Variants in RBM27 observed in about 807,000 individuals in gnomAD.
RBM27 encodes RNA binding motif protein 27.
Under a neutral mutation model 135.3 loss-of-function variants are expected in RBM27, and 22 were observed. The observed-to-expected ratio is 0.16, with a 90% confidence interval of 0.12 to 0.23. The LOEUF (loss-of-function observed/expected upper bound fraction) is 0.23. Among genes scored for constraint, RBM27 ranks in the 10% least tolerant of loss-of-function variants. The pLI, the probability that RBM27 is intolerant of heterozygous loss-of-function variation, is 1.00. For missense variants in RBM27, 1,009 were observed against 1,281.0 expected, an observed-to-expected ratio of 0.79 and a Z score of 3.24; for synonymous variants, 481 against 442.4, an observed-to-expected ratio of 1.09 and a Z score of -1.10.
At chr5:146,204,102 A>T (rs546388959) in intron 1 of RBM27, among the ~76,000 whole-genome samples, 3 of 152,298 alleles carry the variant, frequency 2.0e-5, no homozygotes, top group African/African-American at 7.2e-5. Flanking sequence ...AAGGGGTAGC[A>T]GGGGCCGTGA....
At chr5:146,207,162 G>T (rs1421810240) in intron 1 of RBM27, among the ~76,000 whole-genome samples, 1 of 152,186 alleles carries the variant, frequency 6.6e-6, no homozygotes, top group Non-Finnish European at 1.5e-5. Flanking sequence ...TAGGCTTTGA[G>T]ATAGTATAGT....
In RBM27 at chr5:146,261,791, C is replaced by T. The variant is rs774696778; in HGVS notation, c.2175C>T (p.His725=). 2.5e-5 allele frequency: 41 copies of T among 1,614,000 alleles called. No individual in the cohort carries two copies. The South Asian group carries it at 3.2e-4, about 13-fold the overall frequency. Residue 725 remains histidine (H), a synonymous_variant, in exon 13 of 21, where the codon CAC becomes CAT. Coordinates refer to ENST00000265271, the MANE Select transcript of RBM27 (RefSeq NM_018989.2). The part of the protein sequence containing the change: ...LVAQSAPSTV[H]GGIQKMMSKP... ...CCCAGTCTGCTCCTTCAACAGTGCA[C>T]GGAGGTATCCAGAAGGTAATCTGGT...
rs765360709 is a variant in RBM27 at position 146,237,332 on chromosome 5, C to T, written c.1179C>T (p.Ser393=). 1 of 1,614,140 alleles carries T rather than the reference C, an allele frequency of 6.2e-7. No individual in the cohort carries two copies. The highest frequency in any genetic ancestry group is 1.1e-5 in the South Asian group (1 of 91,086). Residue 393 remains serine (S), a synonymous_variant, in exon 8 of 21, where the codon AGC becomes AGT. Transcript: ENST00000265271. ...TAACACAATCAAGCTTGATAAACAG[C>T]CGTGACCAGCCTGGGACAAGTGCAG... ...PPITQSSLIN[S]RDQPGTSAVP... is the part of the protein sequence containing the mutation.
intron 8 of RBM27, among the ~76,000 whole-genome samples, chr5:146,243,775 A>G (rs1561544220): frequency 6.6e-6 from 1 of 152,222 alleles, no homozygotes; most frequent in Admixed American, 6.5e-5. Context: ...TTCACAGCAC[A>G]GAAAATATAG....
intron 19 of RBM27, among the ~76,000 whole-genome samples, chr5:146,279,867 T>C (rs1759258221): frequency 6.6e-6 from 1 of 152,086 alleles, no homozygotes; most frequent in Non-Finnish European, 1.5e-5. Flanking sequence ...TATTAATCTT[T>C]TTCCATTCTT....
intron 19 of RBM27, among the ~76,000 whole-genome samples, chr5:146,279,922 T>C (rs553064279): frequency 6.6e-6 from 1 of 152,266 alleles, no homozygotes; most frequent in Non-Finnish European, 1.5e-5. Context: ...AAAAATACTA[T>C]GTATGTAAGA....
chr5:146,278,527 C>A (rs998306702), intron 19 of RBM27, among the ~76,000 whole-genome samples: 8 of 152,052 alleles, frequency 5.3e-5, no homozygotes, highest in Non-Finnish European at 1.2e-4. Flanking sequence ...TTTGTTCTCT[C>A]TTTTATAAAA....
intron 8 of RBM27, among the ~76,000 whole-genome samples, chr5:146,248,543 G>T (rs915756641): frequency 6.6e-6 from 1 of 152,156 alleles, no homozygotes; most frequent in Non-Finnish European, 1.5e-5. Context: ...TCGGCTCATT[G>T]CAACCTCTGC....
At chr5:146,279,996 G>A (rs1156546297) in intron 19 of RBM27, among the ~76,000 whole-genome samples, 2 of 151,846 alleles carry the variant, frequency 1.3e-5, no homozygotes, top group African/African-American at 4.8e-5. Flanking sequence ...TATACATACA[G>A]GGCTGCATTC....
chr5:146,263,443 G>A, intron 13 of RBM27, 48 bp from the exon 14 acceptor site: 1 of 1,547,028 alleles, frequency 6.5e-7, no homozygotes, highest in Middle Eastern at 1.7e-4. Context: ...CCATTTCTAG[G>A]CATGTTTTTA....
chr5:146,263,750 T>C, intron 14 of RBM27, 119 bp downstream of exon 14: 1 of 1,181,192 alleles, frequency 8.5e-7, no homozygotes, highest in Non-Finnish European at 1.2e-6. Context: ...GTGGCAGGTA[T>C]ACCTCTCTAG....
chr5:146,261,482 G>A (rs748825547), intron 12 of RBM27, 28 bp from the exon 13 acceptor site: 1 of 1,578,714 alleles, frequency 6.3e-7, no homozygotes, highest in Non-Finnish European at 8.7e-7. Flanking sequence ...CTGTTTTTGG[G>A]AATTTATATT....
At chr5:146,234,074 G>T (rs542590936) in intron 7 of RBM27, among the ~76,000 whole-genome samples, 1 of 151,856 alleles carries the variant, frequency 6.6e-6, no homozygotes, top group South Asian at 2.1e-4. Flanking sequence ...CATTATGTTG[G>T]CCAGGTTGGT....
At chr5:146,226,273 T>A (rs1258122283) in intron 3 of RBM27, among the ~76,000 whole-genome samples, 2 of 152,216 alleles carry the variant, frequency 1.3e-5, no homozygotes, top group African/African-American at 2.4e-5. Flanking sequence ...AAGTTAAAAT[T>A]TTTTGTAACG....
rs78681802 is a variant in RBM27 at position 146,262,170 on chromosome 5, C to A, written c.2190+364C>A. On this transcript the variant is annotated intron_variant, in intron 13 of 20. Coordinates refer to ENST00000265271, the MANE Select transcript of RBM27 (RefSeq NM_018989.2). Reference sequence around the variant, plus strand: ...TCAGCTTCTCAAACCTCTGTAGAGTCAGTCTCTAGATACAGGGCCTATAAA... The same window carrying A: ...TCAGCTTCTCAAACCTCTGTAGAGTAAGTCTCTAGATACAGGGCCTATAAA... Among the ~76,000 whole-genome samples, 904 of 152,318 alleles carry A rather than the reference C, an allele frequency of 5.9e-3. 8 individuals are homozygous for A. Among genetic ancestry groups the A allele is most frequent in the African/African-American group, 0.02 (851 of 41,568 alleles).
At chr5:146,224,512 C>T (rs996138556) in intron 3 of RBM27, among the ~76,000 whole-genome samples, 4 of 152,026 alleles carry the variant, frequency 2.6e-5, no homozygotes, top group Non-Finnish European at 5.9e-5. Context: ...GAAACCCTGC[C>T]TCTACTAAAA....
Position 146,233,632 on chromosome 5 carries a change from C to A in RBM27, c.1033C>A (p.Pro345Thr). The change falls in exon 7 of 21, where the codon CCA becomes ACA. Residue 345 changes from proline to threonine, a missense_variant. By Grantham distance (38) the Pro-to-Thr change is conservative (BLOSUM62 -1). Coordinates refer to ENST00000265271, the MANE Select transcript of RBM27 (RefSeq NM_018989.2). ...GCCAGGTCCAGGCCCAGGCCCGGGC[C>A]CAGGTCCAGGCCCAGGCCCGGGCCC... Reference protein sequence around the residue: ...PMPGPGPGPGPGPGPGPGPGP... With the variant: ...PMPGPGPGPGTGPGPGPGPGP... The A allele has an allele frequency of 6.2e-7, 1 of 1,606,028 alleles. No individual in the cohort carries two copies. Among genetic ancestry groups the A allele is most frequent in the Non-Finnish European group, 8.5e-7 (1 of 1,177,028 alleles).
In RBM27 at chr5:146,288,328, T is replaced by C. The variant is rs945872985; in HGVS notation, c.*2298T>C. 2.6e-5 allele frequency: 4 copies of C among 152,050 alleles called. No homozygotes were observed. Among genetic ancestry groups the C allele is most frequent in the African/African-American group, 9.7e-5 (4 of 41,436 alleles). 9.4% of individuals were successfully genotyped at this position (152,050 alleles called of 1,614,324 possible). A position where few individuals can be genotyped will look rare whatever the true frequency, so the allele number is the denominator to read the frequency against. On this transcript the variant is annotated 3_prime_UTR_variant, in exon 21 of 21. Transcript: ENST00000265271. ...AGTGTGTTAAAGTGAAAAACAGTTT[T>C]TTCAGTAAGGTTTGAGGCCCTTTCT... is the stretch of plus-strand genomic sequence containing the variant.
At chr5:146,208,856 A>G (rs1223795373) in intron 1 of RBM27, among the ~76,000 whole-genome samples, 2 of 152,240 alleles carry the variant, frequency 1.3e-5, no homozygotes, top group East Asian at 3.8e-4. Context: ...TATTATATAA[A>G]ATGTATAAAT....
Sources: gnomAD v4.1 joint callset for allele counts (sites outside exome capture counted in the v4.1 genomes callset) on GRCh38, gnomAD v4.1.1 for gene constraint, MANE v1.5 for transcripts, NCBI Gene and HGNC (gene_info 2026-07-23, HGNC 2026-07-21) for gene names.